NAALADL2: variants seen among roughly 807,000 people sequenced by gnomAD.
NAALADL2 encodes inactive N-acetylated-alpha-linked acidic dipeptidase-like protein 2.
A neutral mutation model predicts 87.2 loss-of-function variants in NAALADL2; 76 were observed. The ratio of observed to expected loss-of-function variants is 0.87; its 90% CI spans 0.72 to 1.05. The LOEUF is 1.05. NAALADL2 is among the 50% of genes least tolerant of loss of function. NAALADL2 has a pLI of 0.00. For synonymous variants in NAALADL2, 354 were observed against 331.0 expected, an observed-to-expected ratio of 1.07 and a Z score of -0.75; for missense variants, 1,089 against 945.8, an observed-to-expected ratio of 1.15 and a Z score of -1.99.
chr3:175,607,513 G>A (rs1038825273), intron 10 of NAALADL2, among the ~76,000 whole-genome samples: 4 of 151,122 alleles, frequency 2.6e-5, no homozygotes, highest in Non-Finnish European at 4.4e-5. Context: ...TATTTTATGG[G>A]CAAAGGCAAT....
intron 9 of NAALADL2, among the ~76,000 whole-genome samples, chr3:175,555,126 T>G (rs1195798866): frequency 6.6e-6 from 1 of 152,192 alleles, no homozygotes; most frequent in Non-Finnish European, 1.5e-5. Flanking sequence ...ATGTTTTTGT[T>G]GTTTTTGTTT....
chr3:175,056,013 A>G (rs1015163481), intron 1 of NAALADL2, among the ~76,000 whole-genome samples: 1 of 152,174 alleles, frequency 6.6e-6, no homozygotes, highest in African/African-American at 2.4e-5. Context: ...CCAAGCCTCT[A>G]TATCACCCTC....
chr3:174,520,118 T>C (rs1160652344), intron 1 of NAALADL2, among the ~76,000 whole-genome samples: 2 of 152,168 alleles, frequency 1.3e-5, no homozygotes, highest in Admixed American at 6.5e-5. Flanking sequence ...AGAATCAATA[T>C]TGTTAAAGTG....
At chr3:174,461,956 G>A (rs1462773111) in intron 1 of NAALADL2, among the ~76,000 whole-genome samples, 1 of 151,910 alleles carries the variant, frequency 6.6e-6, no homozygotes, top group Non-Finnish European at 1.5e-5. Context: ...CATTAAAATA[G>A]CAATTTGAGA....
intron 5 of NAALADL2, chr3:175,397,244 T>C (rs537908198): frequency 1.3e-5 from 2 of 152,102 alleles, no homozygotes; most frequent in African/African-American, 4.8e-5. Context: ...TATACATTTT[T>C]AAAAAAATAT....
At chr3:174,900,534 A>G (rs1026498127) in intron 1 of NAALADL2, among the ~76,000 whole-genome samples, 5 of 151,900 alleles carry the variant, frequency 3.3e-5, no homozygotes, top group African/African-American at 4.8e-5. Context: ...TTAAAATTCT[A>G]TGTCAATATT....
intron 10 of NAALADL2, among the ~76,000 whole-genome samples, chr3:175,613,387 A>G (rs1366656182): frequency 6.6e-6 from 1 of 152,224 alleles, no homozygotes; most frequent in East Asian, 1.9e-4. Context: ...TAGTGCATAG[A>G]CTTAAAATTA....
At chr3:175,296,082 A>C (rs1756332246) in intron 4 of NAALADL2, among the ~76,000 whole-genome samples, 1 of 152,232 alleles carries the variant, frequency 6.6e-6, no homozygotes, top group South Asian at 2.1e-4. Flanking sequence ...TATCTGCCTG[A>C]TTAGTGAGTC....
intron 1 of NAALADL2, among the ~76,000 whole-genome samples, chr3:175,017,624 T>G (rs774924977): frequency 2.0e-5 from 3 of 152,120 alleles, no homozygotes; most frequent in Non-Finnish European, 4.4e-5. Context: ...TGAAATGATT[T>G]CAAAGCCCTG....
At chr3:175,248,191 T>C (rs1748356457) in intron 3 of NAALADL2, among the ~76,000 whole-genome samples, 2 of 152,194 alleles carry the variant, frequency 1.3e-5, no homozygotes. Flanking sequence ...ACTGTTCTAC[T>C]ATTTAGTAGC....
intron 1 of NAALADL2, among the ~76,000 whole-genome samples, chr3:174,948,307 G>T (rs528376239): frequency 6.6e-6 from 1 of 152,176 alleles, no homozygotes; most frequent in South Asian, 2.1e-4. Context: ...CTCCCTAGTA[G>T]CTGGGACTAT....
Position 175,417,813 on chromosome 3 carries a change from T to C in NAALADL2, c.1091-29416T>C, listed in dbSNP as rs1714927865. The stretch of plus-strand genomic sequence containing the variant: ...TCTGATATTTATCAATAAAAACCTA[T>C]AAACACTGTGACGTGACAAAAATAT... On this transcript the variant is annotated intron_variant, in intron 5 of 13. Transcript: ENST00000454872. Among the ~76,000 whole-genome samples, 7 of 152,148 alleles carry C rather than the reference T, an allele frequency of 4.6e-5. No individual in the cohort carries two copies. In the South Asian group the frequency reaches 1.4e-3, roughly 32 times the overall value.
chr3:174,578,369 A>G (rs572921090), intron 2 of NAALADL2, among the ~76,000 whole-genome samples: 10 of 152,074 alleles, frequency 6.6e-5, no homozygotes, highest in African/African-American at 2.4e-4. Context: ...AAGAGAAAAT[A>G]TTGAAAATCA....
At chr3:175,347,043 A>G (rs1254198380) in intron 5 of NAALADL2, among the ~76,000 whole-genome samples, 1 of 152,068 alleles carries the variant, frequency 6.6e-6, no homozygotes, top group African/African-American at 2.4e-5. Context: ...GAGGCAAGTC[A>G]TTTGCTCATG....
intron 2 of NAALADL2, among the ~76,000 whole-genome samples, chr3:174,715,594 A>G (rs564277321): frequency 2.6e-5 from 4 of 152,274 alleles, no homozygotes; most frequent in African/African-American, 9.6e-5. Context: ...TAAATCTGTC[A>G]TTTACAGCCA....
intron 3 of NAALADL2, among the ~76,000 whole-genome samples, chr3:174,787,576 C>CATATATATATATATAT (rs71300440): frequency 4.1e-4 from 6 of 14,734 alleles, no homozygotes; most frequent in South Asian, 2.8e-3. Context: ...AATATATCAT[C>CATATATATATATATAT]ATATATATAT....
chr3:175,303,967 T>C (rs941233096), intron 4 of NAALADL2, among the ~76,000 whole-genome samples: 1 of 152,058 alleles, frequency 6.6e-6, no homozygotes, highest in Non-Finnish European at 1.5e-5. Flanking sequence ...TGTAAAATTA[T>C]GTTAGCAGTG....
At position 175,714,463 on chromosome 3, in the gene NAALADL2, G is replaced by T. The variant is rs537142912; in HGVS notation, c.1897-22843G>T. 2.7e-4 allele frequency among the ~76,000 whole-genome samples: 41 copies of T among 152,226 alleles called. 1 individual carries two copies. The East Asian group carries it at 7.9e-3, about 29-fold the overall frequency. ...TGGTGTCTCATTGTGGTTGTGATTT[G>T]CATTTCTCTAATGACCAGTGTTGAT... On this transcript the variant is annotated intron_variant, in intron 11 of 13. Transcript: ENST00000454872.
At chr3:174,820,208 C>G (rs1368340189) in intron 3 of NAALADL2, among the ~76,000 whole-genome samples, 3 of 152,120 alleles carry the variant, frequency 2.0e-5, no homozygotes, top group African/African-American at 7.2e-5. Context: ...TGAATACATC[C>G]TAAGAGTCTC....
Sources: gnomAD v4.1 joint callset for allele counts (sites outside exome capture counted in the v4.1 genomes callset) on GRCh38, gnomAD v4.1.1 for gene constraint, MANE v1.5 for transcripts, NCBI Gene and HGNC (gene_info 2026-07-23, HGNC 2026-07-21) for gene names.